The following PTBP1 variants were observed in gnomAD, a reference collection of about 807,000 sequenced individuals.
The protein encoded by PTBP1 is polypyrimidine tract binding protein 1, also known as polypyrimidine tract-binding protein 1.
A neutral mutation model predicts 59.8 loss-of-function variants in PTBP1; 8 were observed. The ratio of observed to expected loss-of-function variants is 0.13; its 90% CI spans 0.08 to 0.24. PTBP1 has a LOEUF of 0.24. Ranked by LOEUF, PTBP1 falls within the 10% of genes least tolerant of loss-of-function variation. The pLI is 1.00. For missense variants in PTBP1, 686 were observed against 767.0 expected (o/e 0.89, Z 1.25); for synonymous variants, 490 against 320.7 (o/e 1.53, Z -5.64).
At position 805,632 on chromosome 19, in the gene PTBP1, C is replaced by T; in HGVS notation, c.970+63C>T. 5.7e-6 allele frequency: 8 copies of T among 1,408,610 alleles called. No homozygotes were observed. In the East Asian group the frequency reaches 1.1e-4, roughly 20 times the overall value. 87.3% of individuals were successfully genotyped at this position (1,408,610 alleles called of 1,614,324 possible). ...ATGCCCACACCACCTTCCCAGGCAG[C>T]TCCGCATCCACGGCGGCAGCCTGGG... On this transcript the variant is annotated intron_variant, in intron 9 of 14. Transcript: ENST00000356948.
rs1366802424 is a variant in PTBP1, at chr19:808,037, C to T, written c.1153+135C>T. ...TCCGCCTCGTTTTATGGTTTGCTTT[C>T]GGTTTGCGAATTTTATTTGGTCCCG... is the stretch of plus-strand genomic sequence containing the variant. On this transcript the variant is annotated intron_variant, in intron 11 of 14. Coordinates refer to ENST00000356948, the MANE Select transcript of PTBP1 (RefSeq NM_002819.5). The surrounding 1 kb of genome is among the most constrained non-coding windows in gnomAD (Gnocchi z 4.7). 6 of 854,410 alleles carry T rather than the reference C, an allele frequency of 7.0e-6. No homozygotes were observed. The highest frequency in any genetic ancestry group is 3.9e-5 in the Admixed American group (2 of 51,150). The allele number at this position is 854,410 out of a possible 1,614,324, so 52.9% of individuals were successfully genotyped here. A position where few individuals can be genotyped will look rare whatever the true frequency, so the allele number is the denominator to read the frequency against.
At chr19:799,746 C>G (rs1262739227) in intron 2 of PTBP1, among the ~76,000 whole-genome samples, 2 of 152,186 alleles carry the variant, frequency 1.3e-5, no homozygotes, top group East Asian at 3.9e-4. Context: ...ACTTCTGCCT[C>G]TAGAGGCTGG....
In PTBP1 at chr19:809,161, A is replaced by AC. The variant is rs2034728284; in HGVS notation, c.1463+401dup. ...GTAGCTGGGACTGTAGGCACCCACA[A>AC]CCACACCTGGCTAATTTTTGTATTT... On this transcript the variant is annotated intron_variant, in intron 13 of 14. Transcript: ENST00000356948. Among the ~76,000 whole-genome samples, 3 of 151,974 alleles carry AC rather than the reference A, an allele frequency of 2.0e-5. 1 individual carries two copies. In the South Asian group the frequency reaches 6.2e-4, roughly 32 times the overall value.
intron 14 of PTBP1, 25 bp downstream of exon 14, chr19:810,645 G>C: frequency 6.2e-7 from 1 of 1,612,492 alleles, no homozygotes; most frequent in Non-Finnish European, 8.5e-7. Context: ...GGCTGTCCCT[G>C]GCTCTCCCCA....
At chr19:805,923 T>A (rs1157982077) in intron 9 of PTBP1, 1 of 316,662 alleles carries the variant, frequency 3.2e-6, no homozygotes, top group Admixed American at 4.8e-5. Context: ...GGCCCGAGGC[T>A]GAGCAGCATG....
chr19:801,983 T>C (rs17281470), intron 2 of PTBP1, among the ~76,000 whole-genome samples: 6,094 of 152,332 alleles, frequency 0.04, 178 homozygotes, highest in Middle Eastern at 0.071. Flanking sequence ...GTTCATTCTC[T>C]GACCCTAAAG....
At position 808,413 on chromosome 19, in the gene PTBP1, G is replaced by T; in HGVS notation, c.1207G>T (p.Ala403Ser). The change falls in exon 12 of 15, where the codon GCC becomes TCC. Residue 403 changes from alanine (A) to serine (S), a missense_variant. By Grantham distance (99) the Ala-to-Ser change is moderately conservative. Transcript: ENST00000356948. This position sits in a 1 kb window ranked among gnomAD's most constrained non-coding sequence, Gnocchi z 4.7. ...GATCCTGTTCAATAAGAAGGAGAACGCCCTAGTGCAGATGGCGGACGGCAA... is the reference window on the plus strand; with the variant it reads ...GATCCTGTTCAATAAGAAGGAGAACTCCCTAGTGCAGATGGCGGACGGCAA... ...VKILFNKKENALVQMADGNQA... is the reference protein window; with the variant it reads ...VKILFNKKENSLVQMADGNQA... The T allele has an allele frequency of 6.2e-7, 1 of 1,607,174 alleles. No individual in the cohort carries two copies. Among genetic ancestry groups the T allele is most frequent in the Non-Finnish European group, 8.5e-7 (1 of 1,178,018 alleles).
intron 2 of PTBP1, among the ~76,000 whole-genome samples, chr19:800,142 T>C (rs1568263116): frequency 6.6e-6 from 1 of 151,060 alleles, no homozygotes; most frequent in African/African-American, 2.4e-5. Context: ...GTTTCGAACA[T>C]TGTTGGCCAG....
chr19:797,889 C>T (rs1429859216), intron 1 of PTBP1, among the ~76,000 whole-genome samples: 8 of 149,006 alleles, frequency 5.4e-5, no homozygotes, highest in African/African-American at 9.7e-5. Context: ...CCGTCCGCTC[C>T]CCTCGTGCGC....
chr19:810,478 C>A lies in PTBP1; in HGVS notation c.1464-65C>A, dbSNP rs529509401. ...CTGAAAACTAGTCTGGGGAAAGCCTCGCGGACCTGACTGGGCGCCCCCACC... is the reference window on the plus strand; with the variant it reads ...CTGAAAACTAGTCTGGGGAAAGCCTAGCGGACCTGACTGGGCGCCCCCACC... On this transcript the variant is annotated intron_variant, in intron 13 of 14. Coordinates refer to ENST00000356948, the MANE Select transcript of PTBP1 (RefSeq NM_002819.5). 3.2e-5 allele frequency: 45 copies of A among 1,420,762 alleles called. No individual in the cohort carries two copies. In the African/African-American group the frequency reaches 6.1e-4, roughly 19 times the overall value. 88.0% of individuals were successfully genotyped at this position (1,420,762 alleles called of 1,614,324 possible). A position where few individuals can be genotyped will look rare whatever the true frequency, so the allele number is the denominator to read the frequency against.
At chr19:803,143 G>T (rs531803820) in intron 2 of PTBP1, among the ~76,000 whole-genome samples, 151 of 152,326 alleles carry the variant, frequency 9.9e-4, no homozygotes, top group Middle Eastern at 6.8e-3. Flanking sequence ...TGTGCTGCTG[G>T]GGGGGCTGGC....
In PTBP1 at chr19:803,586, C is replaced by A. The variant is rs150037050; in HGVS notation, c.65C>A (p.Thr22Asn). The A allele has an allele frequency of 6.2e-7, 1 of 1,614,060 alleles. No individual in the cohort carries two copies. The highest frequency in any genetic ancestry group is 1.3e-5 in the African/African-American group (1 of 74,930). The stretch of plus-strand genomic sequence containing the variant: ...CGGGGATCTGACGAGCTTTTCTCTA[C>A]TTGTGTCACTAACGGACCGTTTATC... ...TKRGSDELFS[T>N]CVTNGPFIMS... is the part of the protein sequence containing the mutation. Residue 22 changes from threonine (T) to asparagine (N), a missense_variant, in exon 3 of 15, where the codon ACT (threonine) becomes AAT (asparagine). Transcript: ENST00000356948.
At chr19:797,699 C>A (rs2034131611) in intron 1 of PTBP1, among the ~76,000 whole-genome samples, 194 bp downstream of exon 1, 1 of 149,264 alleles carries the variant, frequency 6.7e-6, no homozygotes, top group African/African-American at 2.4e-5. Context: ...TGGCCGCGTC[C>A]CCATCCCCCG....
At chr19:806,677 A>C (rs930088358) in intron 10 of PTBP1, 121 bp downstream of exon 10, 3 of 954,748 alleles carry the variant, frequency 3.1e-6, no homozygotes, top group Non-Finnish European at 4.4e-6. Flanking sequence ...CTGCCCTGGC[A>C]GCCCCTCTGC....
In PTBP1 at chr19:808,904, G is replaced by A; in HGVS notation, c.1463+142G>A. On this transcript the variant is annotated intron_variant, in intron 13 of 14. Transcript: ENST00000356948. This position sits in a 1 kb window ranked among gnomAD's most constrained non-coding sequence, Gnocchi z 4.7. ...TTACCCCAAACCTGAAGTACTGCAA[G>A]GCCTGGAGCTTGAGCCGAGGGCTGC... The A allele has an allele frequency of 1.3e-6, 1 of 780,772 alleles. No homozygotes were observed. The highest frequency in any genetic ancestry group is 2.1e-6 in the Non-Finnish European group (1 of 481,866). 48.4% of individuals were successfully genotyped at this position (780,772 alleles called of 1,614,324 possible). A position where few individuals can be genotyped will look rare whatever the true frequency, so the allele number is the denominator to read the frequency against.
intron 2 of PTBP1, among the ~76,000 whole-genome samples, chr19:801,105 T>C (rs1248274823): frequency 6.6e-6 from 1 of 151,900 alleles, no homozygotes; most frequent in East Asian, 1.9e-4. Flanking sequence ...AAGCTCTTGT[T>C]CAGTGTGGGG....
chr19:803,965 G>A, intron 3 of PTBP1, 71 bp from the exon 4 acceptor site: 1 of 1,575,020 alleles, frequency 6.3e-7, no homozygotes, highest in East Asian at 2.2e-5. Flanking sequence ...GGGCTCTAGG[G>A]GGATAGCAGG....
At chr19:799,489 G>T in intron 2 of PTBP1, 46 bp downstream of exon 2, 1 of 1,605,232 alleles carries the variant, frequency 6.2e-7, no homozygotes, top group Non-Finnish European at 8.5e-7. Context: ...CTCTGACCTT[G>T]TGCCGACCCC....
intron 1 of PTBP1, chr19:798,438 G>C (rs925548980): frequency 6.6e-6 from 1 of 152,312 alleles, no homozygotes; most frequent in African/African-American, 2.4e-5. Flanking sequence ...GTTTTTCTTG[G>C]GTTCAGTCAC....
Sources: allele counts gnomAD v4.1 joint callset (sites outside exome capture counted in the v4.1 genomes callset), GRCh38; gene constraint gnomAD v4.1.1; non-coding constraint Gnocchi (gnomAD v3.1); transcripts MANE v1.5; gene names NCBI Gene and HGNC (gene_info 2026-07-23, HGNC 2026-07-21).